The following DNM3 variants were observed in gnomAD, a reference collection of about 807,000 sequenced individuals.
DNM3 encodes dynamin-3.
DNM3 carries 47 observed loss-of-function variants against 101.6 expected under a neutral mutation model. That is an observed-to-expected ratio of 0.46 (90% confidence interval 0.37 to 0.59). The LOEUF (loss-of-function observed/expected upper bound fraction) is 0.59, where lower values mean the gene tolerates loss of function less well. Among genes scored for constraint, DNM3 ranks in the 20% least tolerant of loss-of-function variants. The pLI is 0.00. For missense variants in DNM3, 849 were observed against 1,085.7 expected, an observed-to-expected ratio of 0.78 and a Z score of 3.06; for synonymous variants, 385 against 387.9, an observed-to-expected ratio of 0.99 and a Z score of 0.09.
chr1:171,994,124 CTG>C (rs1287821690), intron 4 of DNM3, among the ~76,000 whole-genome samples: 1 of 151,850 alleles, frequency 6.6e-6, no homozygotes, highest in Non-Finnish European at 1.5e-5. Flanking sequence ...TTTCTATTGA[CTG>C]TATATTTTCT....
intron 14 of DNM3, among the ~76,000 whole-genome samples, chr1:172,231,205 C>T (rs1003615671): frequency 4.9e-3 from 3 of 612 alleles, no homozygotes; most frequent in Non-Finnish European, 0.013. Flanking sequence ...AACTGGGAGG[C>T]ACCCCCAGTA....
At chr1:171,885,928 G>C (rs1343270801) in intron 1 of DNM3, among the ~76,000 whole-genome samples, 1 of 152,158 alleles carries the variant, frequency 6.6e-6, no homozygotes, top group African/African-American at 2.4e-5. Flanking sequence ...AGACCCCTGA[G>C]GGTACAGGAT....
chr1:172,217,230 G>C (rs1226198786), intron 14 of DNM3, among the ~76,000 whole-genome samples: 1 of 152,060 alleles, frequency 6.6e-6, no homozygotes, highest in East Asian at 1.9e-4. Flanking sequence ...TGGAAAGGTG[G>C]AGAAATCTTT....
chr1:172,255,440 A>G (rs2062358795), intron 15 of DNM3, among the ~76,000 whole-genome samples: 1 of 152,116 alleles, frequency 6.6e-6, no homozygotes, highest in Admixed American at 6.6e-5. Flanking sequence ...AGGAAGTCAA[A>G]CAAAATTGAA....
At chr1:171,931,558 T>C (rs1340660342) in intron 2 of DNM3, among the ~76,000 whole-genome samples, 3 of 152,216 alleles carry the variant, frequency 2.0e-5, no homozygotes, top group Non-Finnish European at 4.4e-5. Flanking sequence ...TTTAGCACAG[T>C]GCTCTTCACT....
At chr1:172,418,250 ATTTTG>A (rs761040777) in intron 20 of DNM3, 51 of 1,276,300 alleles carry the variant, frequency 4.0e-5, no homozygotes, top group Middle Eastern at 2.1e-4. Context: ...TCTTTTTGTT[ATTTTG>A]TTTTGTTTTG....
chr1:172,089,712 T>A (rs974449370), intron 12 of DNM3, among the ~76,000 whole-genome samples: 8 of 152,228 alleles, frequency 5.3e-5, no homozygotes. Context: ...GCTTATAAAG[T>A]AAATCTACTT....
At chr1:171,845,414 A>G (rs1002106029) in intron 1 of DNM3, among the ~76,000 whole-genome samples, 2 of 152,168 alleles carry the variant, frequency 1.3e-5, no homozygotes, top group African/African-American at 4.8e-5. Context: ...TTAGCCAGGT[A>G]TGGTGGAGCA....
intron 4 of DNM3, among the ~76,000 whole-genome samples, chr1:172,022,101 G>A (rs2047889699): frequency 6.6e-6 from 1 of 152,164 alleles, no homozygotes; most frequent in African/African-American, 2.4e-5. Flanking sequence ...AATGGAATTA[G>A]GTTGCTGGAT....
chr1:171,887,769 T>G (rs116711949), intron 1 of DNM3, among the ~76,000 whole-genome samples: 121 of 152,336 alleles, frequency 7.9e-4, no homozygotes, highest in African/African-American at 2.9e-3. Context: ...TATCTGTAGA[T>G]TTGAGAAAAT....
Position 172,253,622 on chromosome 1 carries a change from A to T in DNM3, c.1709A>T (p.Asp570Val). The T allele has an allele frequency of 6.3e-7, 1 of 1,595,594 alleles. No individual in the cohort carries two copies. Among genetic ancestry groups the T allele is most frequent in the Non-Finnish European group, 8.5e-7 (1 of 1,170,812 alleles). The change falls in exon 15 of 21, where the codon GAT becomes GTT. Residue 570 changes from aspartate to valine, a missense_variant. Asp to Val is a radical substitution (Grantham distance 152, BLOSUM62 -3). This residue lies in a region of DNM3 where 193 missense variants were observed against 238.4 expected (regional missense o/e 0.81). Coordinates refer to ENST00000627582, the MANE Select transcript of DNM3 (RefSeq NM_015569.5). ...CCCTTGGACAACCTGAAAGTTCGGG[A>T]TGTGGAAAAGAGCTTTATGTCTAGC... Reference protein sequence around the residue: ...MLPLDNLKVRDVEKSFMSSKH... With the variant: ...MLPLDNLKVRVVEKSFMSSKH...
downstream of DNM3, among the ~76,000 whole-genome samples, chr1:172,416,812 C>T (rs2071443320): frequency 6.6e-6 from 1 of 152,164 alleles, no homozygotes; most frequent in African/African-American, 2.4e-5. Context: ...ATACCCATTA[C>T]CTGGATCTCT....
chr1:172,210,891 G>T (rs180758002), intron 14 of DNM3, among the ~76,000 whole-genome samples: 1 of 152,164 alleles, frequency 6.6e-6, no homozygotes, highest in East Asian at 1.9e-4. Flanking sequence ...TGTGAGGGAA[G>T]AGTTTAGAGA....
chr1:172,301,440 T>G (rs1373321887), intron 15 of DNM3, among the ~76,000 whole-genome samples: 3 of 152,146 alleles, frequency 2.0e-5, no homozygotes, highest in Admixed American at 2.0e-4. Context: ...AGTTTGAGGC[T>G]ACAGTGAGCT....
In DNM3 at chr1:172,106,847, C is replaced by CTTTTTTTTTTTT. The variant is rs1165611083; in HGVS notation, c.1545+13985_1545+13996dup. ...TTATTCAATTTAAGGTAACATTATT[C>CTTTTTTTTTTTT]TTTTTTTTTTTTTTTTTTTTTTTTG... On this transcript the variant is annotated intron_variant, in intron 13 of 20. Transcript: ENST00000627582. Among the ~76,000 whole-genome samples the CTTTTTTTTTTTT allele has an allele frequency of 4.9e-3, 332 of 67,952 alleles. 52 individuals carry two copies. The highest frequency in any genetic ancestry group is 0.02 in the Middle Eastern group (1 of 50). The allele number at this position is 67,952 out of a possible 152,430, so 44.6% of individuals were successfully genotyped here.
At chr1:172,374,777 A>G (rs2149045502) in intron 17 of DNM3, among the ~76,000 whole-genome samples, 1 of 152,192 alleles carries the variant, frequency 6.6e-6, no homozygotes, top group East Asian at 1.9e-4. Context: ...TAGTGCATCT[A>G]TACTCATCCA....
chr1:172,206,335 A>G (rs2060320550), intron 14 of DNM3, among the ~76,000 whole-genome samples: 1 of 152,126 alleles, frequency 6.6e-6, no homozygotes, highest in Non-Finnish European at 1.5e-5. Flanking sequence ...TTTTGAAAAA[A>G]GCACAACTCA....
intron 17 of DNM3, among the ~76,000 whole-genome samples, chr1:172,332,823 T>C (rs2066247610): frequency 6.6e-6 from 1 of 152,232 alleles, no homozygotes; most frequent in Admixed American, 6.5e-5. Flanking sequence ...AGTACAATCC[T>C]GCTAAGTGCC....
chr1:172,116,217 T>C (rs2055879262), intron 13 of DNM3, among the ~76,000 whole-genome samples: 1 of 152,200 alleles, frequency 6.6e-6, no homozygotes, highest in African/African-American at 2.4e-5. Context: ...TTTTTCAATT[T>C]GTGTCATTAT....
Sources: gnomAD v4.1 joint callset for allele counts (sites outside exome capture counted in the v4.1 genomes callset) on GRCh38, gnomAD v4.1.1 for gene constraint, gnomAD v4.1.1 regional missense constraint, MANE v1.5 for transcripts, NCBI Gene and HGNC (gene_info 2026-07-23, HGNC 2026-07-21) for gene names.